The following LRRC37A2 variants were observed in gnomAD, a reference collection of about 807,000 sequenced individuals.
The protein encoded by LRRC37A2 is leucine rich repeat containing 37 member A2.
In LRRC37A2, 9 loss-of-function variants were observed where a neutral mutation model predicts 68.8. The ratio of observed to expected loss-of-function variants is 0.13; its 90% CI spans 0.08 to 0.23. The LOEUF (loss-of-function observed/expected upper bound fraction) is 0.23. Among genes scored for constraint, LRRC37A2 ranks in the 10% least tolerant of loss-of-function variants. The pLI, the probability that LRRC37A2 is intolerant of heterozygous loss-of-function variation, is 1.00. For missense variants in LRRC37A2, 168 were observed against 950.4 expected (o/e 0.18, Z 10.82); for synonymous variants, 63 against 367.6 (o/e 0.17, Z 9.48).
the LRRC37A2 span, among the ~76,000 whole-genome samples, chr17:46,883,738 G>C: frequency 6.6e-6 from 1 of 152,214 alleles, no homozygotes; most frequent in Non-Finnish European, 1.5e-5. Flanking sequence ...GGGTATGAGG[G>C]AGTTGCAAGG....
chr17:46,737,374 A>T, the LRRC37A2 span, among the ~76,000 whole-genome samples: 1 of 152,146 alleles, frequency 6.6e-6, no homozygotes, highest in Non-Finnish European at 1.5e-5. Context: ...AACATCACAT[A>T]ATTTTTTAGC....
chr17:46,568,555 G>A, the LRRC37A2 span, among the ~76,000 whole-genome samples: 1 of 102,834 alleles, frequency 9.7e-6, no homozygotes, highest in South Asian at 3.0e-4. Flanking sequence ...TATGGTCTCA[G>A]CACTTTGGGA....
the LRRC37A2 span, among the ~76,000 whole-genome samples, chr17:46,972,401 G>A: frequency 1.3e-5 from 2 of 152,238 alleles, no homozygotes; most frequent in Non-Finnish European, 2.9e-5. Context: ...TCTTGGCCAA[G>A]AGGGAAGGAG....
the LRRC37A2 span, among the ~76,000 whole-genome samples, chr17:46,776,222 G>A: frequency 6.6e-6 from 1 of 152,164 alleles, no homozygotes; most frequent in African/African-American, 2.4e-5. Context: ...GGGTGAAGGT[G>A]GCTTCAGGCC....
chr17:46,801,347 C>T, the LRRC37A2 span, among the ~76,000 whole-genome samples: 2 of 152,272 alleles, frequency 1.3e-5, no homozygotes, highest in African/African-American at 2.4e-5. Flanking sequence ...TGGCCGGGCA[C>T]GGTGGCTCAC....
the LRRC37A2 span, among the ~76,000 whole-genome samples, chr17:46,943,541 CT>C: frequency 6.6e-6 from 1 of 152,260 alleles, no homozygotes; most frequent in Non-Finnish European, 1.5e-5. Context: ...TCCAAACAAC[CT>C]CATACTGCAC....
chr17:46,679,104 G>A, the LRRC37A2 span, among the ~76,000 whole-genome samples: 1 of 152,014 alleles, frequency 6.6e-6, no homozygotes, highest in Non-Finnish European at 1.5e-5. Context: ...TGCTTGGGTG[G>A]TAAAACTATA....
the LRRC37A2 span, among the ~76,000 whole-genome samples, chr17:46,569,490 CTCTG>C: frequency 6.2e-5 from 9 of 146,036 alleles, no homozygotes; most frequent in South Asian, 4.2e-4. Context: ...ATGTTATCCT[CTCTG>C]TCTTTGTATT....
At chr17:46,950,734 G>A in the LRRC37A2 span, among the ~76,000 whole-genome samples, 94 of 152,272 alleles carry the variant, frequency 6.2e-4, 1 homozygote, top group Admixed American at 1.8e-3. Context: ...TCTGTGTGGG[G>A]GCACTCTTCT....
chr17:46,991,259 A>G, the LRRC37A2 span, among the ~76,000 whole-genome samples: 1 of 152,206 alleles, frequency 6.6e-6, no homozygotes, highest in Non-Finnish European at 1.5e-5. Flanking sequence ...AAATATGCCA[A>G]CAGAATGACT....
chr17:46,993,432 A>T, the LRRC37A2 span, among the ~76,000 whole-genome samples: 1 of 152,252 alleles, frequency 6.6e-6, no homozygotes, highest in East Asian at 1.9e-4. Context: ...AGTGTCTGGC[A>T]CATAGGAGGT....
At chr17:46,967,776 A>G in the LRRC37A2 span, among the ~76,000 whole-genome samples, 1 of 152,132 alleles carries the variant, frequency 6.6e-6, no homozygotes, top group African/African-American at 2.4e-5. Context: ...ACATGGTGCC[A>G]CCTGTGTTCT....
the LRRC37A2 span, among the ~76,000 whole-genome samples, chr17:46,787,823 G>T: frequency 6.6e-6 from 1 of 152,154 alleles, no homozygotes; most frequent in South Asian, 2.1e-4. Context: ...AGGCGTGGTG[G>T]TGGGCACCTG....
chr17:46,863,127 A>C, the LRRC37A2 span, among the ~76,000 whole-genome samples: 1 of 150,816 alleles, frequency 6.6e-6, no homozygotes, highest in Non-Finnish European at 1.5e-5. Context: ...GGCGTGGCAC[A>C]GGCAGCCTCC....
At chr17:46,918,610 CACA>C in the LRRC37A2 span, among the ~76,000 whole-genome samples, 1 of 128,380 alleles carries the variant, frequency 7.8e-6, no homozygotes, top group South Asian at 2.3e-4. Flanking sequence ...CACACACACA[CACA>C]CACACACACA....
the LRRC37A2 span, among the ~76,000 whole-genome samples, chr17:47,041,456 T>C: frequency 2.0e-5 from 2 of 100,536 alleles, no homozygotes; most frequent in African/African-American, 4.0e-5. Context: ...ATGTCTCTTT[T>C]TTTTTTTTTT....
intron 3 of LRRC37A2, among the ~76,000 whole-genome samples, chr17:46,519,883 GA>G (rs1598317592): frequency 7.7e-6 from 1 of 129,304 alleles, no homozygotes; most frequent in African/African-American, 3.0e-5. Context: ...GGAGGAAATG[GA>G]GGTTCTGCTG....
Position 46,549,101 on chromosome 17 carries a change from T to A in LRRC37A2, c.3962T>A (p.Val1321Asp). 1 of 1,611,742 alleles carries A rather than the reference T, an allele frequency of 6.2e-7. No homozygotes were observed. The highest frequency in any genetic ancestry group is 1.7e-4 in the Middle Eastern group (1 of 6,054). ...CACGTGACCCACAGAACACCCAAAG[T>A]CAAAAAGAGTCCAAAGGTCAGAAAG... Residue 1321 changes from valine to aspartate, a missense_variant, in exon 10 of 15, where the codon GTC becomes GAC. Physicochemically the swap from Val to Asp is radical, Grantham distance 152. Transcript: ENST00000576629.
chr17:46,851,683 G>A, the LRRC37A2 span: 4 of 1,310,040 alleles, frequency 3.1e-6, no homozygotes, highest in Non-Finnish European at 3.9e-6. The surrounding 1 kb of genome is among the most constrained non-coding windows in gnomAD (Gnocchi z 4.3). Flanking sequence ...TCTGCCTGCT[G>A]GCGCTGCCCG....
Sources: gnomAD v4.1 joint callset for allele counts (sites outside exome capture counted in the v4.1 genomes callset) on GRCh38, gnomAD v4.1.1 for gene constraint, Gnocchi (gnomAD v3.1) non-coding constraint, MANE v1.5 for transcripts, NCBI Gene and HGNC (gene_info 2026-07-23, HGNC 2026-07-21) for gene names.